HLA-DQB1: variants seen among roughly 807,000 people sequenced by gnomAD.
HLA-DQB1 encodes HLA class II histocompatibility antigen, DQ beta 1 chain.
A neutral mutation model predicts 26.4 loss-of-function variants in HLA-DQB1; 13 were observed. The ratio of observed to expected loss-of-function variants is 0.49; its 90% CI spans 0.32 to 0.78. HLA-DQB1 has a LOEUF of 0.78. Ranked by LOEUF, HLA-DQB1 falls within the 30% of genes least tolerant of loss-of-function variation. The pLI is 0.03. For missense variants in HLA-DQB1, 158 were observed against 326.2 expected (o/e 0.48, Z 3.97); for synonymous variants, 60 against 129.1 (o/e 0.46, Z 3.63).
intron 1 of HLA-DQB1, among the ~76,000 whole-genome samples, chr6:32,665,596 C>T (rs28746823): frequency 0.1 from 5,932 of 58,044 alleles, 1,337 homozygotes; most frequent in East Asian, 0.24. Flanking sequence ...TCACTCCCTT[C>T]TATGTTGGAA....
At chr6:32,661,393 C>G (rs1130410) in exon 4 of HLA-DQB1, 78,972 of 1,177,490 alleles carry the variant, frequency 0.067, 9,873 homozygotes, top group Middle Eastern at 0.15. Flanking sequence ...CAAGGAAGAT[C>G]AGCCCCAGCA....
At position 32,661,753 on chromosome 6, in the gene HLA-DQB1, C is replaced by CCTGG. The variant is rs1783063258; in HGVS notation, c.661+213_661+214insCCAG. 5 of 485,336 alleles carry CCTGG rather than the reference C, an allele frequency of 1.0e-5. No individual in the cohort carries two copies. The East Asian group carries it at 2.0e-4, about 19-fold the overall frequency. The allele number at this position is 485,336 out of a possible 1,614,324, so 30.1% of individuals were successfully genotyped here. On this transcript the variant is annotated intron_variant, in intron 3 of 4. Coordinates refer to ENST00000434651, the Ensembl canonical transcript of HLA-DQB1. ...CCTCAGAGCTATCAGGACTGGGATT[C>CCTGG]AGAGCAACAGTATGTAGAGTAATTT... is the stretch of plus-strand genomic sequence containing the variant.
At position 32,661,126 on chromosome 6, in the gene HLA-DQB1, G is replaced by A. The variant is rs35409710; in HGVS notation, c.772+221C>T. The stretch of plus-strand genomic sequence containing the variant: ...GGAAAGGAGCCAGTGAGACAATGAT[G>A]AATGGTAAGGATGCCCTGGAATAAG... On this transcript the variant is annotated intron_variant, in intron 4 of 4. Coordinates refer to ENST00000434651, the Ensembl canonical transcript of HLA-DQB1. 0.02 allele frequency among the ~76,000 whole-genome samples: 2,430 copies of A among 123,930 alleles called. 489 individuals carry two copies. The East Asian group carries it at 0.21, about 11-fold the overall frequency. The allele number at this position is 123,930 out of a possible 152,430, so 81.3% of individuals were successfully genotyped here. A position where few individuals can be genotyped will look rare whatever the true frequency, so the allele number is the denominator to read the frequency against.
chr6:32,664,607 TC>T (rs1310223262), intron 2 of HLA-DQB1, 190 bp downstream of exon 2: 1 of 303,194 alleles, frequency 3.3e-6, no homozygotes, highest in African/African-American at 2.7e-5. Context: ...ACTCTGCTTG[TC>T]CCCCTGCTCT....
At chr6:32,661,987 C>A (rs1130398) in exon 3 of HLA-DQB1, 1 of 1,506,494 alleles carries the variant, frequency 6.6e-7, no homozygotes, top group Non-Finnish European at 9.0e-7. Context: ...GGTGATGGGG[C>A]TCTGGAGGCT....
At chr6:32,660,393 G>T in intron 4 of HLA-DQB1, 144 bp from the exon 5 acceptor site, 1 of 441,680 alleles carries the variant, frequency 2.3e-6, no homozygotes. Context: ...CAAGATCTGT[G>T]CAAAGGTGAA....
chr6:32,662,025 A>G (rs1049092), exon 3 of HLA-DQB1: 732,350 of 1,277,456 alleles, frequency 0.57, 250,456 homozygotes, highest in East Asian at 0.74. Flanking sequence ...AGGTGTAGAC[A>G]TCTCCACGCT....
At chr6:32,660,959 C>G (rs9273532) in intron 4 of HLA-DQB1, 1 of 800,466 alleles carries the variant, frequency 1.2e-6, no homozygotes, top group Admixed American at 2.4e-5. Context: ...AAATGACACA[C>G]ATGACTTAGA....
chr6:32,662,910 G>A (rs17613549), intron 2 of HLA-DQB1: 1 of 129,618 alleles, frequency 7.7e-6, no homozygotes, highest in Admixed American at 7.6e-5. Context: ...TTACTTTCTT[G>A]TTCTGAAATC....
chr6:32,665,381 G>T (rs281861790), intron 1 of HLA-DQB1, among the ~76,000 whole-genome samples: 3 of 143,672 alleles, frequency 2.1e-5, no homozygotes, highest in Admixed American at 1.5e-4. Context: ...GGATCAGGGC[G>T]TTCTCGCATG....
At chr6:32,665,532 G>A (rs281861650) in intron 1 of HLA-DQB1, among the ~76,000 whole-genome samples, 1 of 138,720 alleles carries the variant, frequency 7.2e-6, no homozygotes, top group Non-Finnish European at 1.6e-5. Context: ...TGGTCCCTGG[G>A]TAAAATACCT....
rs117578558 is a variant in HLA-DQB1 at position 32,660,383 on chromosome 6, C to T, written c.773-134G>A. The T allele has an allele frequency of 0.033, 15,087 of 459,598 alleles. 2,949 individuals carry two copies. The highest frequency in any genetic ancestry group is 0.23 in the East Asian group (5,207 of 22,504). 28.5% of individuals were successfully genotyped at this position (459,598 alleles called of 1,614,324 possible). Reference sequence around the variant, plus strand: ...CAGGGTGTATTGTCATCACCTCCCCCAAGATCTGTGCAAAGGTGAAATCAG... The same window carrying T: ...CAGGGTGTATTGTCATCACCTCCCCTAAGATCTGTGCAAAGGTGAAATCAG... On this transcript the variant is annotated intron_variant, in intron 4 of 4. Coordinates refer to ENST00000434651, the Ensembl canonical transcript of HLA-DQB1.
chr6:32,661,470 A>AGGGC lies in HLA-DQB1; in HGVS notation c.662-14_662-13insGCCC. On this transcript the variant is annotated splice_polypyrimidine_tract_variant and intron_variant, in intron 3 of 4. Transcript: ENST00000434651. ...TCAGACTGAGCCCCTAAAGAGCAGA[A>AGGGC]CTGAGTGTCTGTGTTTGTCCCCACA... The AGGGC allele has an allele frequency of 1.2e-6, 1 of 858,148 alleles. No individual in the cohort carries two copies. Among genetic ancestry groups the AGGGC allele is most frequent in the Non-Finnish European group, 1.7e-6 (1 of 605,512 alleles). 53.2% of individuals were successfully genotyped at this position (858,148 alleles called of 1,614,324 possible).
chr6:32,660,577 G>A (rs1343155335), intron 4 of HLA-DQB1: 2 of 374,714 alleles, frequency 5.3e-6, no homozygotes, highest in Non-Finnish European at 9.6e-6. Context: ...ACAGGCAGTA[G>A]CCACCATCAT....
intron 2 of HLA-DQB1, 149 bp downstream of exon 2, chr6:32,664,649 G>GCCCCCCC: frequency 1.4e-5 from 3 of 210,462 alleles, no homozygotes; most frequent in Middle Eastern, 1.9e-3. Flanking sequence ...CGATGCACCT[G>GCCCCCCC]CCCCCACCAC....
chr6:32,661,959 C>G lies in HLA-DQB1; in HGVS notation c.661+8G>C, dbSNP rs9273911. 3.0e-5 allele frequency: 45 copies of G among 1,517,420 alleles called. No homozygotes were observed. Among genetic ancestry groups the G allele is most frequent in the Non-Finnish European group, 3.7e-5 (41 of 1,121,122 alleles). The allele number at this position is 1,517,420 out of a possible 1,614,324, so 94.0% of individuals were successfully genotyped here. A position where few individuals can be genotyped will look rare whatever the true frequency, so the allele number is the denominator to read the frequency against. On this transcript the variant is annotated splice_region_variant and intron_variant, in intron 3 of 4. Coordinates refer to ENST00000434651, the Ensembl canonical transcript of HLA-DQB1. ...GCCCATAGTAACAGAAACTCAATAT[C>G]CCCTTACGCCACTCCACGGTGATGG... is the stretch of plus-strand genomic sequence containing the variant.
At chr6:32,664,082 T>TC (rs1251559815) in intron 2 of HLA-DQB1, 1 of 91,300 alleles carries the variant, frequency 1.1e-5, no homozygotes, top group Admixed American at 1.3e-4. Flanking sequence ...CTCTGTTTTT[T>TC]TCTTGAACCT....
intron 4 of HLA-DQB1, 37 bp downstream of exon 4, chr6:32,661,310 A>G (rs117626117): frequency 0.019 from 24,135 of 1,280,856 alleles, 1,948 homozygotes; most frequent in East Asian, 0.16. Flanking sequence ...GGTCTGGGTC[A>G]CAGCCCATCT....
At chr6:32,663,640 T>G (rs281874829) in intron 2 of HLA-DQB1, 2 of 100,772 alleles carry the variant, frequency 2.0e-5, no homozygotes, top group Non-Finnish European at 2.3e-5. Flanking sequence ...TGCTAATCTC[T>G]AATGCACAGG....
Sources: allele counts gnomAD v4.1 joint callset (sites outside exome capture counted in the v4.1 genomes callset), GRCh38; gene constraint gnomAD v4.1.1; transcripts MANE v1.5; gene names NCBI Gene and HGNC (gene_info 2026-07-23, HGNC 2026-07-21).